The following ERBB4 variants were observed in gnomAD, a reference collection of about 807,000 sequenced individuals.
ERBB4 encodes the protein receptor tyrosine-protein kinase erbB-4.
A neutral mutation model predicts 158.0 loss-of-function variants in ERBB4; 42 were observed. The ratio of observed to expected loss-of-function variants is 0.27; its 90% CI spans 0.21 to 0.34. ERBB4 has a LOEUF of 0.34. Ranked by LOEUF, ERBB4 falls within the 10% of genes least tolerant of loss-of-function variation. ERBB4 has a pLI of 1.00. For missense variants in ERBB4, 1,333 were observed against 1,624.1 expected (o/e 0.82, Z 3.08); for synonymous variants, 583 against 558.7 (o/e 1.04, Z -0.61).
intron 1 of ERBB4, among the ~76,000 whole-genome samples, chr2:212,207,644 C>T (rs1194151397): frequency 6.6e-6 from 1 of 152,106 alleles, no homozygotes; most frequent in Non-Finnish European, 1.5e-5. Context: ...TGTATAATGT[C>T]ATAAACAAAT....
At chr2:211,722,356 A>C (rs201946574) in intron 7 of ERBB4, 37 bp downstream of exon 7, 2 of 1,527,806 alleles carry the variant, frequency 1.3e-6, no homozygotes, top group Admixed American at 1.7e-5. Context: ...TCAAATAATG[A>C]CCTAATTAAT....
chr2:212,405,344 G>A (rs1029577319), intron 1 of ERBB4, among the ~76,000 whole-genome samples: 4 of 152,114 alleles, frequency 2.6e-5, no homozygotes, highest in Admixed American at 6.6e-5. Flanking sequence ...AACAGAGGCC[G>A]GTGAGGTTGC....
At chr2:211,832,983 T>C (rs2077258174) in intron 3 of ERBB4, among the ~76,000 whole-genome samples, 1 of 151,964 alleles carries the variant, frequency 6.6e-6, no homozygotes, top group African/African-American at 2.4e-5. Flanking sequence ...TAGAAACTGA[T>C]CAAATATTTT....
rs189493931 is a variant in ERBB4 at position 211,733,549 on chromosome 2, A to T, written c.623-8355T>A. On this transcript the variant is annotated intron_variant, in intron 5 of 27. Transcript: ENST00000342788. The stretch of plus-strand genomic sequence containing the variant: ...GGCTGCAGATAAAGTAGTAAAAAAA[A>T]GTCATAATTATATCATAGATCTTTC... Among the ~76,000 whole-genome samples, 557 of 148,230 alleles carry T rather than the reference A, an allele frequency of 3.8e-3. 3 individuals carry two copies. Among genetic ancestry groups the T allele is most frequent in the South Asian group, 5.0e-3 (24 of 4,820 alleles).
At chr2:212,466,788 A>G (rs2106098657) in intron 1 of ERBB4, among the ~76,000 whole-genome samples, 1 of 152,350 alleles carries the variant, frequency 6.6e-6, no homozygotes, top group Non-Finnish European at 1.5e-5. Flanking sequence ...GAACCAGGCA[A>G]CAGGCAGAGG....
At chr2:212,167,094 G>A (rs1195803626) in intron 1 of ERBB4, among the ~76,000 whole-genome samples, 1 of 152,018 alleles carries the variant, frequency 6.6e-6, no homozygotes, top group Non-Finnish European at 1.5e-5. Flanking sequence ...TGACAAATGG[G>A]ATCTAATTAA....
At chr2:211,696,561 C>T (rs1443086151) in intron 12 of ERBB4, among the ~76,000 whole-genome samples, 2 of 152,048 alleles carry the variant, frequency 1.3e-5, no homozygotes, top group Non-Finnish European at 2.9e-5. Flanking sequence ...AAAACCCAGG[C>T]CATTTGGCTC....
chr2:211,452,915 C>T (rs2064284782), intron 20 of ERBB4, among the ~76,000 whole-genome samples: 1 of 152,150 alleles, frequency 6.6e-6, no homozygotes, highest in African/African-American at 2.4e-5. Flanking sequence ...TCCATCTCAA[C>T]AAAACGATAA....
intron 20 of ERBB4, among the ~76,000 whole-genome samples, chr2:211,538,581 A>G (rs971228962): frequency 1.3e-5 from 2 of 151,872 alleles, no homozygotes; most frequent in Non-Finnish European, 2.9e-5. Context: ...CCATTTCATT[A>G]TACCTGAATT....
chr2:212,039,791 T>G (rs543582310), intron 2 of ERBB4, among the ~76,000 whole-genome samples: 50 of 152,158 alleles, frequency 3.3e-4, no homozygotes, highest in African/African-American at 1.1e-3. Flanking sequence ...CTCCAAAGCC[T>G]GTGCTTCTTC....
chr2:212,150,884 G>T (rs1234749970), intron 1 of ERBB4, among the ~76,000 whole-genome samples: 1 of 152,042 alleles, frequency 6.6e-6, no homozygotes, highest in Non-Finnish European at 1.5e-5. Context: ...TGCATGCTTG[G>T]CCTTCATAGC....
At chr2:212,181,900 T>C (rs1458946446) in intron 1 of ERBB4, among the ~76,000 whole-genome samples, 1 of 151,684 alleles carries the variant, frequency 6.6e-6, no homozygotes, top group East Asian at 1.9e-4. Context: ...ACGGTTAAAA[T>C]ATCTGTTCCC....
chr2:212,527,446 G>GA (rs1050403412), intron 1 of ERBB4, among the ~76,000 whole-genome samples: 4 of 151,912 alleles, frequency 2.6e-5, no homozygotes, highest in Non-Finnish European at 2.9e-5. Flanking sequence ...ACATGCACTA[G>GA]AAAAAATTAC....
intron 12 of ERBB4, among the ~76,000 whole-genome samples, chr2:211,687,125 T>C (rs2072589205): frequency 1.2e-5 from 1 of 82,834 alleles, no homozygotes; most frequent in South Asian, 5.6e-4. Flanking sequence ...TGAAACCCCA[T>C]CTCTACTTAA....
chr2:211,879,910 G>A (rs538513544), intron 3 of ERBB4, among the ~76,000 whole-genome samples: 2 of 151,446 alleles, frequency 1.3e-5, no homozygotes, highest in South Asian at 2.1e-4. Context: ...ACTGTTTTGG[G>A]TAAGAGAATG....
chr2:212,190,192 C>T (rs1218102487), intron 1 of ERBB4, among the ~76,000 whole-genome samples: 2 of 152,120 alleles, frequency 1.3e-5, no homozygotes, highest in Non-Finnish European at 1.5e-5. Flanking sequence ...AGCATTATCA[C>T]TAGAGAGTTC....
chr2:211,985,382 A>G (rs1040545277), intron 2 of ERBB4, among the ~76,000 whole-genome samples: 6 of 152,158 alleles, frequency 3.9e-5, no homozygotes, highest in Non-Finnish European at 4.4e-5. Context: ...ATTTTTCGGT[A>G]TTTGTAATAC....
At chr2:211,684,706 G>GAAATCA (rs1397544306) in intron 12 of ERBB4, among the ~76,000 whole-genome samples, 10 of 152,168 alleles carry the variant, frequency 6.6e-5, no homozygotes, top group African/African-American at 2.4e-4. Context: ...GCATGCCAGA[G>GAAATCA]AAATCACTGA....
intron 23 of ERBB4, among the ~76,000 whole-genome samples, chr2:211,423,513 C>T (rs938433774): frequency 9.0e-4 from 136 of 151,908 alleles, no homozygotes; most frequent in African/African-American, 3.1e-3. Context: ...AAATTAAGGG[C>T]CTGTGCTTCA....
Sources: allele counts gnomAD v4.1 joint callset (sites outside exome capture counted in the v4.1 genomes callset), GRCh38; gene constraint gnomAD v4.1.1; transcripts MANE v1.5; gene names NCBI Gene and HGNC (gene_info 2026-07-23, HGNC 2026-07-21).